Variants in TUT4 observed in about 807,000 individuals in gnomAD.
TUT4 encodes the protein terminal uridylyltransferase 4.
Under a neutral mutation model 192.2 loss-of-function variants are expected in TUT4, and 36 were observed. The ratio of observed to expected loss-of-function variants is 0.19; its 90% CI spans 0.14 to 0.25. The LOEUF is 0.25. TUT4 is among the 10% of genes least tolerant of loss of function. The pLI is 1.00. For synonymous variants in TUT4, 618 were observed against 666.0 expected (o/e 0.93, Z 1.11); for missense variants, 1,493 against 1,957.2 (o/e 0.76, Z 4.47).
intron 1 of TUT4, among the ~76,000 whole-genome samples, chr1:52,551,759 C>T (rs548781767): frequency 2.0e-5 from 3 of 152,338 alleles, no homozygotes; most frequent in East Asian, 3.9e-4. Flanking sequence ...CAACACCTCT[C>T]GGTGGTATTC....
chr1:52,534,963 T>A (rs899009463), intron 1 of TUT4: 3 of 152,332 alleles, frequency 2.0e-5, no homozygotes, highest in African/African-American at 4.8e-5. Flanking sequence ...TATGCCATTC[T>A]TATTCTTTAC....
At chr1:52,484,376 T>A (rs1669269169) in intron 9 of TUT4, among the ~76,000 whole-genome samples, 1 of 151,056 alleles carries the variant, frequency 6.6e-6, no homozygotes, top group Non-Finnish European at 1.5e-5. Context: ...TATGTGAAGG[T>A]TAGATACAAA....
At chr1:52,551,699 T>TACAC (rs142834898) in intron 1 of TUT4, among the ~76,000 whole-genome samples, 5 of 143,810 alleles carry the variant, frequency 3.5e-5, no homozygotes, top group African/African-American at 5.8e-5. Context: ...CACACACACA[T>TACAC]ACACACACAC....
intron 16 of TUT4, chr1:52,462,205 A>C (rs1662781575): frequency 1.0e-5 from 1 of 95,242 alleles, no homozygotes; most frequent in African/African-American, 5.4e-5. Flanking sequence ...TCTTTTTTTG[A>C]GACGGAGTCT....
chr1:52,515,246 T>C (rs1571178897), intron 3 of TUT4: 1 of 152,612 alleles, frequency 6.6e-6, no homozygotes, highest in Admixed American at 6.5e-5. Flanking sequence ...TAAAATGCTA[T>C]TTTATTTCCA....
At chr1:52,532,844 A>ATGAC (rs965735109) in intron 1 of TUT4, among the ~76,000 whole-genome samples, 8 of 152,274 alleles carry the variant, frequency 5.3e-5, no homozygotes, top group Non-Finnish European at 2.9e-5. Context: ...TCCTGAGCAC[A>ATGAC]TGACTAGTCT....
chr1:52,500,876 C>A (rs1393078723), intron 4 of TUT4, among the ~76,000 whole-genome samples: 1 of 151,590 alleles, frequency 6.6e-6, no homozygotes, highest in Non-Finnish European at 1.5e-5. Context: ...GAGGCTACAG[C>A]GAGCCATGAC....
At chr1:52,527,270 G>A (rs765118422) in intron 1 of TUT4, among the ~76,000 whole-genome samples, 5 of 152,144 alleles carry the variant, frequency 3.3e-5, no homozygotes, top group Admixed American at 2.0e-4. Context: ...AACAGGGGCC[G>A]GGTGCAATGG....
intron 1 of TUT4, among the ~76,000 whole-genome samples, chr1:52,533,101 A>AT (rs1683938822): frequency 6.6e-6 from 1 of 152,224 alleles, no homozygotes; most frequent in Non-Finnish European, 1.5e-5. Flanking sequence ...AACCCAGGTC[A>AT]TGTCCACTCA....
chr1:52,471,323 C>T (rs957719846), intron 14 of TUT4, among the ~76,000 whole-genome samples: 2 of 152,244 alleles, frequency 1.3e-5, no homozygotes, highest in East Asian at 3.9e-4. Context: ...CCACTCTATG[C>T]TTTTATGCAT....
intron 1 of TUT4, among the ~76,000 whole-genome samples, chr1:52,538,353 T>C (rs1363949239): frequency 6.6e-6 from 1 of 152,132 alleles, no homozygotes; most frequent in African/African-American, 2.4e-5. Context: ...TAAATGCTCT[T>C]GTTTTGGCAA....
At chr1:52,546,688 G>C (rs1688169406) in intron 1 of TUT4, among the ~76,000 whole-genome samples, 1 of 152,058 alleles carries the variant, frequency 6.6e-6, no homozygotes, top group Non-Finnish European at 1.5e-5. Context: ...GATATGTTGT[G>C]TTATGTATAT....
chr1:52,477,701 A>T lies in TUT4; in HGVS notation c.2023+7T>A. ...TTCTCCAAATGAAATACAACATATC[A>T]TCTCACCTTCAATGGCTATTCGCCT... On this transcript the variant is annotated splice_region_variant and intron_variant, in intron 12 of 29. Transcript: ENST00000257177. The T allele has an allele frequency of 6.2e-7, 1 of 1,604,844 alleles. No homozygotes were observed. Among genetic ancestry groups the T allele is most frequent in the Non-Finnish European group, 8.5e-7 (1 of 1,176,262 alleles).
rs370068763 is a variant in TUT4, at chr1:52,472,040, C to T, written c.2790G>A (p.Glu930=). The T allele has an allele frequency of 1.3e-5, 21 of 1,613,722 alleles. No homozygotes were observed. The highest frequency in any genetic ancestry group is 1.8e-5 in the Non-Finnish European group (21 of 1,179,896). ...GTTTTAAATCAATTTTCCTAAAATC[C>T]TCTGGGCAATCATTCTTTGAATGGC... ...KDGHSKNDCP[E]DFRKIDLKPL... Residue 930 remains glutamate (E), a synonymous_variant, in exon 14 of 30, where the codon GAG becomes GAA. Transcript: ENST00000257177.
chr1:52,540,920 C>G (rs1686441947), intron 1 of TUT4, among the ~76,000 whole-genome samples: 1 of 152,056 alleles, frequency 6.6e-6, no homozygotes, highest in Non-Finnish European at 1.5e-5. Flanking sequence ...TACAAGAATA[C>G]ACTGGCCAGA....
intron 18 of TUT4, 113 bp from the exon 19 acceptor site, chr1:52,461,336 A>T: frequency 8.6e-7 from 1 of 1,156,384 alleles, no homozygotes; most frequent in Non-Finnish European, 1.2e-6. Context: ...GTAAAATGTA[A>T]AACACCTATT....
chr1:52,453,953 G>T (rs1660154466), intron 20 of TUT4, among the ~76,000 whole-genome samples: 1 of 152,154 alleles, frequency 6.6e-6, no homozygotes, highest in Non-Finnish European at 1.5e-5. Flanking sequence ...AGTGGAATTT[G>T]AAATTAGAAA....
At chr1:52,535,980 C>T (rs532275904) in intron 1 of TUT4, among the ~76,000 whole-genome samples, 7 of 152,054 alleles carry the variant, frequency 4.6e-5, no homozygotes, top group Non-Finnish European at 8.8e-5. Flanking sequence ...TTCATTCTGC[C>T]GTACAAGTGC....
Position 52,461,502 on chromosome 1 carries a change from G to C in TUT4, c.3231+11C>G, listed in dbSNP as rs762370571. On this transcript the variant is annotated intron_variant, in intron 18 of 29. Coordinates refer to ENST00000257177, the MANE Select transcript of TUT4 (RefSeq NM_001009881.3). ...GAAAAGTATATACATGGCCTATAAAGATAAACTTACCAACGTATTATATAA... is the reference window on the plus strand; with the variant it reads ...GAAAAGTATATACATGGCCTATAAACATAAACTTACCAACGTATTATATAA... The C allele has an allele frequency of 6.2e-7, 1 of 1,605,846 alleles. No individual in the cohort carries two copies. The highest frequency in any genetic ancestry group is 8.5e-7 in the Non-Finnish European group (1 of 1,175,792).
Sources: allele counts gnomAD v4.1 joint callset (sites outside exome capture counted in the v4.1 genomes callset), GRCh38; gene constraint gnomAD v4.1.1; transcripts MANE v1.5; gene names NCBI Gene and HGNC (gene_info 2026-07-23, HGNC 2026-07-21).